Variants in NALCN observed in about 807,000 individuals in gnomAD.
NALCN encodes the protein sodium leak channel, non-selective.
NALCN carries 111 observed loss-of-function variants against 225.3 expected under a neutral mutation model. That is an observed-to-expected ratio of 0.49 (90% CI 0.42 to 0.58). NALCN has a LOEUF of 0.58. Ranked by LOEUF, NALCN falls within the 20% of genes least tolerant of loss-of-function variation. The pLI, the probability that NALCN is intolerant of heterozygous loss-of-function variation, is 0.00. For missense variants in NALCN, 1,378 were observed against 2,202.4 expected, an observed-to-expected ratio of 0.63 and a Z score of 7.49; for synonymous variants, 764 against 769.0, an observed-to-expected ratio of 0.99 and a Z score of 0.11.
rs1204145624 is a variant in NALCN, at chr13:101,345,329, T to C, written c.736A>G (p.Met246Val). 6.2e-7 allele frequency: 1 copy of C among 1,613,840 alleles called. No individual in the cohort carries two copies. The highest frequency in any genetic ancestry group is 1.7e-5 in the Admixed American group (1 of 60,006). The change falls in exon 7 of 44, where the codon ATG (methionine) becomes GTG (valine). Residue 246 changes from methionine (M) to valine (V), a missense_variant. Around this residue, in one of 19 missense-constraint regions of NALCN, gnomAD observed 67 missense variants for 82.1 expected, o/e 0.82. Coordinates refer to ENST00000251127, the MANE Select transcript of NALCN (RefSeq NM_052867.4). ...GYQCPPGFKCMDLEDLGLSRQ... is the reference protein window; with the variant it reads ...GYQCPPGFKCVDLEDLGLSRQ... ...CTAAGTCCCAGATCTTCAAGGTCCA[T>C]GCATTTAAATCCAGGTGGGCACTGG...
chr13:101,415,224 T>TATATATATATATATATAC (rs1566669133), intron 1 of NALCN, among the ~76,000 whole-genome samples: 6 of 76,766 alleles, frequency 7.8e-5, no homozygotes, highest in African/African-American at 1.7e-4. Context: ...TATATATATA[T>TATATATATATATATATAC]ACATACATAT....
chr13:101,260,538 G>A (rs2042391084), intron 10 of NALCN, among the ~76,000 whole-genome samples: 1 of 152,078 alleles, frequency 6.6e-6, no homozygotes, highest in Non-Finnish European at 1.5e-5. Context: ...ATTTATTATT[G>A]CCTGACTTTT....
intron 34 of NALCN, 32 bp downstream of exon 34, chr13:101,081,495 T>G (rs1566792385): frequency 2.3e-5 from 37 of 1,613,246 alleles, no homozygotes; most frequent in Non-Finnish European, 3.1e-5. Flanking sequence ...ACTGAAATAA[T>G]CAGCTGAAAT....
At chr13:101,227,172 C>T (rs1394881002) in intron 13 of NALCN, among the ~76,000 whole-genome samples, 1 of 152,186 alleles carries the variant, frequency 6.6e-6, no homozygotes, top group Non-Finnish European at 1.5e-5. Flanking sequence ...CCTGTCAGCT[C>T]AACACCTGTC....
intron 13 of NALCN, among the ~76,000 whole-genome samples, chr13:101,221,528 C>A (rs1302021646): frequency 6.6e-6 from 1 of 152,156 alleles, no homozygotes; most frequent in Non-Finnish European, 1.5e-5. Flanking sequence ...ACTGTCCTCC[C>A]CTGGGGGTTT....
chr13:101,157,812 G>C (rs2037979204), intron 15 of NALCN, among the ~76,000 whole-genome samples: 1 of 150,836 alleles, frequency 6.6e-6, no homozygotes, highest in Non-Finnish European at 1.5e-5. Context: ...GAGTGCAATG[G>C]CGTGATCTCA....
At chr13:101,204,446 T>G (rs1007587374) in intron 13 of NALCN, among the ~76,000 whole-genome samples, 2 of 152,208 alleles carry the variant, frequency 1.3e-5, no homozygotes, top group African/African-American at 4.8e-5. Flanking sequence ...AAAAAAACTG[T>G]TTATTGTTCA....
At chr13:101,074,042 T>G (rs2033089240) in intron 36 of NALCN, among the ~76,000 whole-genome samples, 1 of 152,100 alleles carries the variant, frequency 6.6e-6, no homozygotes, top group Non-Finnish European at 1.5e-5. Context: ...TATCAGGACT[T>G]GAAAAAAAAT....
intron 18 of NALCN, among the ~76,000 whole-genome samples, chr13:101,112,486 A>G (rs888950317): frequency 6.6e-6 from 1 of 152,226 alleles, no homozygotes; most frequent in Non-Finnish European, 1.5e-5. Context: ...GAGATAGTTG[A>G]TAAGTGGCAA....
chr13:101,200,907 G>C (rs1335922507), intron 13 of NALCN, among the ~76,000 whole-genome samples: 1 of 152,146 alleles, frequency 6.6e-6, no homozygotes, highest in Non-Finnish European at 1.5e-5. Flanking sequence ...TGGTATTTTA[G>C]TATGTGTGGA....
At chr13:101,175,167 G>A (rs994195704) in intron 15 of NALCN, among the ~76,000 whole-genome samples, 2 of 152,096 alleles carry the variant, frequency 1.3e-5, no homozygotes, top group African/African-American at 2.4e-5. Flanking sequence ...CCATTTGCCT[G>A]GGTAGCTGTA....
chr13:101,202,988 G>A (rs764801803), intron 13 of NALCN, among the ~76,000 whole-genome samples: 8 of 152,110 alleles, frequency 5.3e-5, no homozygotes, highest in African/African-American at 1.4e-4. Context: ...CTTACTTAAC[G>A]GCTTTGGGAA....
At chr13:101,371,261 A>C (rs1353544636) in intron 6 of NALCN, among the ~76,000 whole-genome samples, 1 of 152,110 alleles carries the variant, frequency 6.6e-6, no homozygotes, top group Non-Finnish European at 1.5e-5. Flanking sequence ...ATTTTGGTTA[A>C]ATACCTGGAG....
At chr13:101,371,634 G>A (rs570121084) in intron 6 of NALCN, among the ~76,000 whole-genome samples, 54 of 152,228 alleles carry the variant, frequency 3.5e-4, no homozygotes, top group African/African-American at 1.3e-3. Context: ...TGTTAATGTT[G>A]TATGCCACGC....
intron 6 of NALCN, among the ~76,000 whole-genome samples, chr13:101,362,605 C>T (rs1390253629): frequency 6.6e-6 from 1 of 151,666 alleles, no homozygotes; most frequent in East Asian, 1.9e-4. Flanking sequence ...CAATAAAGAC[C>T]ATATTTGACA....
intron 13 of NALCN, among the ~76,000 whole-genome samples, chr13:101,221,895 G>A (rs2140110268): frequency 1.3e-5 from 2 of 152,224 alleles, no homozygotes; most frequent in South Asian, 2.1e-4. Context: ...ATTATGGGTA[G>A]CAAATTTTGC....
intron 22 of NALCN, among the ~76,000 whole-genome samples, chr13:101,107,147 C>G (rs1329991402): frequency 6.6e-6 from 1 of 152,210 alleles, no homozygotes; most frequent in Non-Finnish European, 1.5e-5. Context: ...AATGACCTTC[C>G]TTTCACCATG....
intron 37 of NALCN, 82 bp from the exon 38 acceptor site, chr13:101,068,909 G>T: frequency 1.4e-6 from 2 of 1,412,842 alleles, no homozygotes; most frequent in Non-Finnish European, 1.9e-6. Context: ...TTAATGAATA[G>T]ATTCCTAAAC....
intron 43 of NALCN, chr13:101,057,696 G>A: frequency 1.9e-6 from 1 of 518,930 alleles, no homozygotes; most frequent in Non-Finnish European, 3.5e-6. Flanking sequence ...TTTCATAGGT[G>A]CTGGCTTCTC....
Sources: allele counts gnomAD v4.1 joint callset (sites outside exome capture counted in the v4.1 genomes callset), GRCh38; gene constraint gnomAD v4.1.1; regional missense constraint gnomAD v4.1.1; transcripts MANE v1.5; gene names NCBI Gene and HGNC (gene_info 2026-07-23, HGNC 2026-07-21).